Variants in CHRM3 observed in about 807,000 individuals in gnomAD.
The protein encoded by CHRM3 is muscarinic acetylcholine receptor M3.
CHRM3 carries 11 observed loss-of-function variants against 41.8 expected under a neutral mutation model. The ratio of observed to expected loss-of-function variants is 0.26; its 90% CI spans 0.17 to 0.44. CHRM3 has a LOEUF of 0.44. Ranked by LOEUF, CHRM3 falls within the 20% of genes least tolerant of loss-of-function variation. CHRM3 has a pLI of 1.00. For synonymous variants in CHRM3, 297 were observed against 301.4 expected (o/e 0.99, Z 0.15); for missense variants, 571 against 745.4 (o/e 0.77, Z 2.72).
At chr1:239,637,650 G>A (rs754194237) in intron 4 of CHRM3, among the ~76,000 whole-genome samples, 43 of 147,688 alleles carry the variant, frequency 2.9e-4, no homozygotes, top group African/African-American at 6.5e-4. Context: ...ACACAACACC[G>A]TGGGGTTGCC....
At chr1:239,886,318 A>G (rs1678064948) in intron 6 of CHRM3, 2 of 152,204 alleles carry the variant, frequency 1.3e-5, no homozygotes, top group Non-Finnish European at 2.9e-5. Flanking sequence ...AGGAGGTGCC[A>G]AAGACCAGTG....
At chr1:239,602,621 T>G (rs551956668) in intron 3 of CHRM3, among the ~76,000 whole-genome samples, 1 of 152,068 alleles carries the variant, frequency 6.6e-6, no homozygotes, top group Non-Finnish European at 1.5e-5. Flanking sequence ...AGAAACACTT[T>G]ACTAAGCATC....
intron 1 of CHRM3, among the ~76,000 whole-genome samples, chr1:239,423,312 A>G (rs944086004): frequency 7.9e-5 from 12 of 152,182 alleles, no homozygotes; most frequent in Admixed American, 5.2e-4. Context: ...TTAAGAAGTG[A>G]AACTTTTTGT....
intron 3 of CHRM3, chr1:239,629,095 C>T (rs1669431022): frequency 2.4e-5 from 3 of 124,404 alleles, no homozygotes; most frequent in South Asian, 6.0e-4. Context: ...GCGCCCCTCC[C>T]CCAGCCTCGT....
At chr1:239,391,661 C>T (rs1365561233) in intron 1 of CHRM3, among the ~76,000 whole-genome samples, 2 of 152,130 alleles carry the variant, frequency 1.3e-5, no homozygotes, top group African/African-American at 2.4e-5. Context: ...ACCTAGGGTC[C>T]AGTAGTGATG....
chr1:239,634,538 T>C (rs539902738), intron 4 of CHRM3, among the ~76,000 whole-genome samples: 31 of 151,078 alleles, frequency 2.1e-4, no homozygotes, highest in African/African-American at 6.8e-4. Context: ...ATTCTGAGCA[T>C]CTTCTTTTCT....
At chr1:239,750,219 T>C (rs1232049913) in intron 5 of CHRM3, among the ~76,000 whole-genome samples, 1 of 152,012 alleles carries the variant, frequency 6.6e-6, no homozygotes, top group African/African-American at 2.4e-5. Flanking sequence ...GATGATTTAG[T>C]AAATGTGTGC....
At chr1:239,446,892 A>G (rs1664192811) in intron 1 of CHRM3, among the ~76,000 whole-genome samples, 1 of 152,216 alleles carries the variant, frequency 6.6e-6, no homozygotes, top group Admixed American at 6.5e-5. Flanking sequence ...GTTTAGGAGC[A>G]TGGAAATTAC....
chr1:239,783,241 G>A (rs550111220), intron 5 of CHRM3, among the ~76,000 whole-genome samples: 3 of 151,562 alleles, frequency 2.0e-5, no homozygotes, highest in Admixed American at 6.6e-5. Flanking sequence ...TTTAATGGAG[G>A]ATAAAAAATA....
At chr1:239,797,292 C>T (rs1441943394) in intron 5 of CHRM3, among the ~76,000 whole-genome samples, 1 of 152,004 alleles carries the variant, frequency 6.6e-6, no homozygotes, top group African/African-American at 2.4e-5. Flanking sequence ...AAGCCCAAAA[C>T]TCAGCATCAC....
chr1:239,719,668 A>T (rs1455642319), intron 5 of CHRM3: 2 of 151,958 alleles, frequency 1.3e-5, no homozygotes, highest in Non-Finnish European at 2.9e-5. Flanking sequence ...AGGGGCAAAG[A>T]ATTGCACGAT....
intron 2 of CHRM3, among the ~76,000 whole-genome samples, chr1:239,516,135 T>G (rs1796831): frequency 0.5 from 76,524 of 151,578 alleles, 19,570 homozygotes; most frequent in Middle Eastern, 0.65. Context: ...TGTAGGCTAG[T>G]CCTGCTAGTG....
intron 3 of CHRM3, among the ~76,000 whole-genome samples, chr1:239,565,414 T>C (rs996812859): frequency 6.6e-6 from 1 of 152,120 alleles, no homozygotes; most frequent in Non-Finnish European, 1.5e-5. Flanking sequence ...GCTGTGACTG[T>C]AATAGTTCAG....
intron 5 of CHRM3, among the ~76,000 whole-genome samples, chr1:239,729,522 CTTG>C (rs777214675): frequency 3.3e-5 from 5 of 151,926 alleles, no homozygotes; most frequent in African/African-American, 1.2e-4. Flanking sequence ...GTTGACATTA[CTTG>C]TTGTCAGTGA....
At chr1:239,901,962 T>C (rs1294987033) in intron 6 of CHRM3, among the ~76,000 whole-genome samples, 1 of 152,194 alleles carries the variant, frequency 6.6e-6, no homozygotes, top group Admixed American at 6.5e-5. Flanking sequence ...TATTATCAAT[T>C]TATTCACTCT....
chr1:239,447,792 C>A (rs1265392283), intron 1 of CHRM3, among the ~76,000 whole-genome samples: 5 of 152,150 alleles, frequency 3.3e-5, no homozygotes, highest in Non-Finnish European at 7.4e-5. Flanking sequence ...AACAAACAAA[C>A]AAACAAACAA....
intron 3 of CHRM3, among the ~76,000 whole-genome samples, chr1:239,567,590 G>T (rs1661471690): frequency 6.6e-6 from 1 of 152,062 alleles, no homozygotes; most frequent in Non-Finnish European, 1.5e-5. Flanking sequence ...CAGTGCCTCA[G>T]GTACTCCTCA....
intron 6 of CHRM3, among the ~76,000 whole-genome samples, chr1:239,878,889 C>T (rs1309406167): frequency 6.6e-6 from 1 of 152,156 alleles, no homozygotes; most frequent in Non-Finnish European, 1.5e-5. Context: ...GGAGGAAGGG[C>T]TCCAGCAGCA....
chr1:239,652,071 T>G (rs1291267176), intron 4 of CHRM3, among the ~76,000 whole-genome samples: 1 of 152,108 alleles, frequency 6.6e-6, no homozygotes, highest in Admixed American at 6.6e-5. Flanking sequence ...CTGCCTTTGT[T>G]TTGCTTTTGT....
Sources: gnomAD v4.1 joint callset for allele counts (sites outside exome capture counted in the v4.1 genomes callset) on GRCh38, gnomAD v4.1.1 for gene constraint, MANE v1.5 for transcripts, NCBI Gene and HGNC (gene_info 2026-07-23, HGNC 2026-07-21) for gene names.